The following ATP8A2 variants were observed in gnomAD, a reference collection of about 807,000 sequenced individuals.
ATP8A2 encodes the protein phospholipid-transporting ATPase IB.
In ATP8A2, 100 loss-of-function variants were observed where a neutral mutation model predicts 165.6. The ratio of observed to expected loss-of-function variants is 0.60; its 90% CI spans 0.51 to 0.71. The LOEUF is 0.71. Ranked by LOEUF, ATP8A2 falls within the 30% of genes least tolerant of loss-of-function variation. The pLI is 0.00. For synonymous variants in ATP8A2, 543 were observed against 548.8 expected (o/e 0.99, Z 0.15); for missense variants, 1,227 against 1,479.5 (o/e 0.83, Z 2.80).
At chr13:25,385,416 T>G (rs1411054662) in intron 1 of ATP8A2, among the ~76,000 whole-genome samples, 1 of 152,216 alleles carries the variant, frequency 6.6e-6, no homozygotes, top group Non-Finnish European at 1.5e-5. Flanking sequence ...TCAGTAGTAA[T>G]ACCTCCTTCA....
chr13:25,938,945 C>T (rs906874374), intron 33 of ATP8A2, among the ~76,000 whole-genome samples: 6 of 151,918 alleles, frequency 3.9e-5, no homozygotes, highest in Non-Finnish European at 7.4e-5. Context: ...CTGGTTCAAG[C>T]GATTCTCTTG....
chr13:25,540,982 C>T (rs1186140903), intron 8 of ATP8A2, among the ~76,000 whole-genome samples: 1 of 151,876 alleles, frequency 6.6e-6, no homozygotes, highest in Non-Finnish European at 1.5e-5. Context: ...CCACCTTAGC[C>T]TCCCGAGTAG....
chr13:25,814,376 C>T (rs893359432), intron 27 of ATP8A2, among the ~76,000 whole-genome samples: 1 of 152,014 alleles, frequency 6.6e-6, no homozygotes, highest in East Asian at 1.9e-4. Flanking sequence ...TTTGCAAAAA[C>T]AGGAAAACCT....
chr13:25,870,118 A>G (rs1476713495), intron 33 of ATP8A2, among the ~76,000 whole-genome samples: 1 of 152,116 alleles, frequency 6.6e-6, no homozygotes, highest in Non-Finnish European at 1.5e-5. Flanking sequence ...GCTGTCCTCC[A>G]ATTGTTCTGG....
chr13:25,545,197 G>A (rs970203170), intron 10 of ATP8A2, among the ~76,000 whole-genome samples: 7 of 152,010 alleles, frequency 4.6e-5, no homozygotes, highest in Non-Finnish European at 8.8e-5. Context: ...GAAGCAAGGC[G>A]GGAGGGCTCC....
intron 24 of ATP8A2, among the ~76,000 whole-genome samples, chr13:25,693,354 G>A (rs772849659): frequency 3.3e-5 from 5 of 152,182 alleles, no homozygotes; most frequent in African/African-American, 7.2e-5. Context: ...AACCCAGCTC[G>A]TCTGGGTTTG....
chr13:25,425,735 C>G (rs929123423), intron 1 of ATP8A2, among the ~76,000 whole-genome samples: 2 of 152,054 alleles, frequency 1.3e-5, no homozygotes, highest in African/African-American at 4.8e-5. Flanking sequence ...CCACCACGCC[C>G]GGCTAATTTT....
At chr13:26,012,650 A>G (rs9553698) in intron 36 of ATP8A2, 28 bp downstream of exon 36, 41 of 1,323,654 alleles carry the variant, frequency 3.1e-5, no homozygotes, top group Non-Finnish European at 3.7e-5. Context: ...GGGCTGATGG[A>G]GGAGTGGGTG....
intron 24 of ATP8A2, among the ~76,000 whole-genome samples, chr13:25,667,996 T>C (rs1236386497): frequency 6.6e-6 from 1 of 152,204 alleles, no homozygotes; most frequent in East Asian, 1.9e-4. Context: ...TTTATCTTTG[T>C]ATATTGTATT....
intron 33 of ATP8A2, chr13:25,927,371 G>A (rs570557488): frequency 8.6e-6 from 3 of 347,630 alleles, no homozygotes; most frequent in Non-Finnish European, 1.7e-5. Context: ...ACTTTTGGGG[G>A]CCCCCAAATG....
chr13:25,442,986 T>G (rs1593313769), intron 1 of ATP8A2, among the ~76,000 whole-genome samples: 1 of 152,334 alleles, frequency 6.6e-6, no homozygotes, highest in African/African-American at 2.4e-5. Flanking sequence ...TTTTCTCTCA[T>G]TCCGTGGTTG....
chr13:25,809,521 C>T (rs1052420344), intron 27 of ATP8A2, among the ~76,000 whole-genome samples: 2 of 152,108 alleles, frequency 1.3e-5, no homozygotes. Context: ...GAGCTTCCCA[C>T]CTTTTGGCAC....
intron 24 of ATP8A2, among the ~76,000 whole-genome samples, chr13:25,630,747 C>T (rs181134807): frequency 1.3e-3 from 203 of 152,104 alleles, no homozygotes; most frequent in Middle Eastern, 0.01. Context: ...GTGTTGACTG[C>T]GAACCTGAGC....
intron 1 of ATP8A2, among the ~76,000 whole-genome samples, chr13:25,386,207 C>A (rs1437640270): frequency 6.6e-6 from 1 of 151,476 alleles, no homozygotes; most frequent in African/African-American, 2.5e-5. Flanking sequence ...TGAGCCACCT[C>A]TCCTGGCCGG....
intron 33 of ATP8A2, among the ~76,000 whole-genome samples, chr13:25,945,408 T>C (rs1380501816): frequency 6.6e-6 from 1 of 152,242 alleles, no homozygotes; most frequent in African/African-American, 2.4e-5. Context: ...GTAACGTTAT[T>C]CATTTCATGA....
chr13:25,522,534 G>GA (rs2037704022), intron 2 of ATP8A2, among the ~76,000 whole-genome samples: 1 of 152,102 alleles, frequency 6.6e-6, no homozygotes, highest in African/African-American at 2.4e-5. Flanking sequence ...GTATGATGTT[G>GA]ATTGTGGGTT....
chr13:25,898,025 T>C (rs9319251), intron 33 of ATP8A2, among the ~76,000 whole-genome samples: 8,336 of 152,310 alleles, frequency 0.055, 348 homozygotes, highest in East Asian at 0.18. Flanking sequence ...GAAGCCTTCC[T>C]CTCTCAACTC....
At chr13:25,991,808 T>C (rs976508493) in intron 35 of ATP8A2, among the ~76,000 whole-genome samples, 3 of 152,214 alleles carry the variant, frequency 2.0e-5, no homozygotes, top group African/African-American at 7.2e-5. Flanking sequence ...AACATTTGTT[T>C]ACTGGCTTTT....
intron 33 of ATP8A2, among the ~76,000 whole-genome samples, chr13:25,872,890 G>A (rs140845239): frequency 6.6e-6 from 1 of 151,462 alleles, no homozygotes; most frequent in Admixed American, 6.6e-5. Context: ...TAGTGAAATA[G>A]TTTGTGTTCC....
Sources: gnomAD v4.1 joint callset for allele counts (sites outside exome capture counted in the v4.1 genomes callset) on GRCh38, gnomAD v4.1.1 for gene constraint, MANE v1.5 for transcripts, NCBI Gene and HGNC (gene_info 2026-07-23, HGNC 2026-07-21) for gene names.